Variants in SYNE2 observed in about 807,000 individuals in gnomAD.
SYNE2 encodes the protein nesprin-2.
Under a neutral mutation model 856.3 loss-of-function variants are expected in SYNE2, and 431 were observed. That is an observed-to-expected ratio of 0.50 (90% CI 0.47 to 0.55). SYNE2 has a LOEUF of 0.55. SYNE2 is among the 20% of genes least tolerant of loss of function. SYNE2 has a pLI of 0.00. For synonymous variants in SYNE2, 2,923 were observed against 2,872.3 expected (o/e 1.02, Z -0.56); for missense variants, 8,129 against 8,023.2 (o/e 1.01, Z -0.50).
At chr14:64,168,618 T>G (rs563129698) in intron 92 of SYNE2, among the ~76,000 whole-genome samples, 1 of 152,330 alleles carries the variant, frequency 6.6e-6, no homozygotes, top group East Asian at 1.9e-4. Context: ...AATGCATGTT[T>G]TACAGTGCCT....
At chr14:63,780,615 T>C (rs1380245113) in intron 1 of SYNE2, among the ~76,000 whole-genome samples, 1 of 152,176 alleles carries the variant, frequency 6.6e-6, no homozygotes, top group Non-Finnish European at 1.5e-5. Context: ...TAAGGGACTC[T>C]GAATGGACAT....
At chr14:64,038,945 C>T (rs1480104084) in intron 45 of SYNE2, among the ~76,000 whole-genome samples, 1 of 152,118 alleles carries the variant, frequency 6.6e-6, no homozygotes, top group East Asian at 1.9e-4. Flanking sequence ...CTGACTGGGG[C>T]ACGGTGGCTG....
intron 37 of SYNE2, among the ~76,000 whole-genome samples, chr14:64,022,522 C>T (rs1026682752): frequency 2.6e-5 from 4 of 151,926 alleles, no homozygotes; most frequent in African/African-American, 9.7e-5. Flanking sequence ...TGCTTGAGCT[C>T]AAGAGTTTGA....
At chr14:64,044,441 CT>C (rs965496114) in intron 45 of SYNE2, among the ~76,000 whole-genome samples, 1 of 152,170 alleles carries the variant, frequency 6.6e-6, no homozygotes, top group African/African-American at 2.4e-5. Flanking sequence ...TCAGATTACA[CT>C]TTTGACTGTG....
intron 19 of SYNE2, among the ~76,000 whole-genome samples, chr14:63,987,119 G>A (rs976202278): frequency 3.3e-5 from 5 of 152,232 alleles, no homozygotes; most frequent in South Asian, 2.1e-4. Flanking sequence ...TGGACGTGGT[G>A]GCGCGCACGC....
chr14:63,938,194 C>T (rs367800183), intron 2 of SYNE2, among the ~76,000 whole-genome samples: 7 of 152,222 alleles, frequency 4.6e-5, no homozygotes, highest in Admixed American at 2.0e-4. Flanking sequence ...TGATGGCTCA[C>T]GCCTGTAATC....
At chr14:63,888,515 T>A (rs1393134498) in intron 1 of SYNE2, among the ~76,000 whole-genome samples, 1 of 152,180 alleles carries the variant, frequency 6.6e-6, no homozygotes, top group Admixed American at 6.5e-5. Context: ...ATCACTTGCC[T>A]AATTATTTTA....
intron 48 of SYNE2, among the ~76,000 whole-genome samples, chr14:64,055,007 ATG>A (rs1183639736): frequency 6.6e-6 from 1 of 152,226 alleles, no homozygotes; most frequent in Non-Finnish European, 1.5e-5. Flanking sequence ...TCAGGAAACA[ATG>A]TGCATAAATC....
intron 1 of SYNE2, among the ~76,000 whole-genome samples, chr14:63,843,826 G>A (rs2356998): frequency 0.63 from 96,200 of 151,960 alleles, 30,923 homozygotes; most frequent in South Asian, 0.77. Context: ...TCTTTGAATA[G>A]ATTCACCTGG....
chr14:63,896,683 A>G (rs965401087), intron 1 of SYNE2, among the ~76,000 whole-genome samples: 1 of 152,246 alleles, frequency 6.6e-6, no homozygotes, highest in African/African-American at 2.4e-5. Context: ...AGCTGGGACT[A>G]CAGCCGAGTT....
In SYNE2 at chr14:64,002,941, ACT is replaced by A. The variant is rs1267331874; in HGVS notation, c.4013_4014del (p.Ser1338CysfsTer2). ...DFLASLRTAK[L>X]SAEPVTDLSA... is the part of the protein sequence containing the mutation. ...TTTTGGCGTCTCTCAGAACAGCTAA[ACT>A]CTCTGCTGAGCCCGTTACAGACCTT... On this transcript the variant is annotated frameshift_variant, in exon 30 of 116. Transcript: ENST00000555002. LOFTEE classifies it high-confidence loss of function. 1 of 1,613,992 alleles carries A rather than the reference ACT, an allele frequency of 6.2e-7. No homozygotes were observed. The highest frequency in any genetic ancestry group is 8.5e-7 in the Non-Finnish European group (1 of 1,180,026).
At chr14:64,134,995 AAAAC>A (rs1319770371) in intron 78 of SYNE2, among the ~76,000 whole-genome samples, 5 of 141,804 alleles carry the variant, frequency 3.5e-5, no homozygotes, top group East Asian at 2.1e-4. Context: ...TCAAAACAAA[AAAAC>A]AAAAACCCTC....
At chr14:63,794,256 T>A (rs1246975810) in intron 1 of SYNE2, among the ~76,000 whole-genome samples, 5 of 152,228 alleles carry the variant, frequency 3.3e-5, no homozygotes, top group African/African-American at 1.2e-4. Flanking sequence ...AGTTTCATTC[T>A]CGTGCCCCAG....
chr14:63,809,125 A>C (rs1888506952), intron 1 of SYNE2, among the ~76,000 whole-genome samples: 1 of 152,174 alleles, frequency 6.6e-6, no homozygotes, highest in African/African-American at 2.4e-5. Context: ...CTTGGCTCAC[A>C]GGAATGATGT....
At chr14:64,117,568 A>T (rs551618587) in intron 66 of SYNE2, among the ~76,000 whole-genome samples, 51 of 152,304 alleles carry the variant, frequency 3.3e-4, no homozygotes, top group African/African-American at 1.1e-3. Flanking sequence ...AAGTGCTGGG[A>T]TTACAGGTAT....
chr14:63,804,125 A>G (rs542333165), intron 1 of SYNE2, among the ~76,000 whole-genome samples: 52 of 152,340 alleles, frequency 3.4e-4, no homozygotes, highest in African/African-American at 1.2e-3. Flanking sequence ...CTGTGAGTCA[A>G]TTAAACCTCT....
At chr14:63,999,878 A>G (rs985315497) in intron 27 of SYNE2, among the ~76,000 whole-genome samples, 13 of 152,176 alleles carry the variant, frequency 8.5e-5, no homozygotes, top group Admixed American at 2.0e-4. Context: ...AGCAAAATTT[A>G]TATGTTAAAA....
rs36021513 is a variant in SYNE2 at position 64,122,107 on chromosome 14, C to T, written c.13254C>T (p.Asn4418=). The T allele has an allele frequency of 1.9e-6, 3 of 1,613,976 alleles. No homozygotes were observed. Among genetic ancestry groups the T allele is most frequent in the Non-Finnish European group, 2.5e-6 (3 of 1,180,006 alleles). Residue 4418 remains asparagine, a synonymous_variant, in exon 69 of 116, where the codon AAC becomes AAT. Coordinates refer to ENST00000555002, the MANE Select transcript of SYNE2 (RefSeq NM_182914.3). ...KMWPQYCQHD[N]DTTQESSASN... ...GGCCCCAGTATTGCCAACATGATAA[C>T]GATACAACTCAGGAATCATCTGCAA...
At chr14:63,933,133 A>G (rs2095787072) in intron 2 of SYNE2, among the ~76,000 whole-genome samples, 1 of 152,200 alleles carries the variant, frequency 6.6e-6, no homozygotes, top group Non-Finnish European at 1.5e-5. Context: ...CTTTGATGAG[A>G]AGAGGTCGCA....
Sources: allele counts gnomAD v4.1 joint callset (sites outside exome capture counted in the v4.1 genomes callset), GRCh38; gene constraint gnomAD v4.1.1; transcripts MANE v1.5; gene names NCBI Gene and HGNC (gene_info 2026-07-23, HGNC 2026-07-21).